Variants in ADAMTS20 observed in about 807,000 individuals in gnomAD.
ADAMTS20 encodes ADAM metallopeptidase with thrombospondin type 1 motif 20, also known as A disintegrin and metalloproteinase with thrombospondin motifs 20.
In ADAMTS20, 225 loss-of-function variants were observed where a neutral mutation model predicts 260.1. That is an observed-to-expected ratio of 0.87 (90% confidence interval 0.78 to 0.97). ADAMTS20 has a LOEUF of 0.97. Among genes scored for constraint, ADAMTS20 ranks in the 50% least tolerant of loss-of-function variants. The pLI is 0.00. For synonymous variants in ADAMTS20, 802 were observed against 769.5 expected, an observed-to-expected ratio of 1.04 and a Z score of -0.70; for missense variants, 2,400 against 2,337.7, an observed-to-expected ratio of 1.03 and a Z score of -0.55.
chr12:43,401,054 G>A (rs879491308), intron 28 of ADAMTS20, among the ~76,000 whole-genome samples: 1 of 151,098 alleles, frequency 6.6e-6, no homozygotes, highest in Non-Finnish European at 1.5e-5. Context: ...ATGAAGATCA[G>A]AAAAACAAAA....
intron 2 of ADAMTS20, among the ~76,000 whole-genome samples, chr12:43,542,387 G>C (rs1943388506): frequency 6.6e-6 from 1 of 151,612 alleles, no homozygotes; most frequent in Non-Finnish European, 1.5e-5. Context: ...ATATCTAGAG[G>C]GACATATGCC....
chr12:43,518,147 G>A (rs10880518), intron 3 of ADAMTS20, among the ~76,000 whole-genome samples: 51,849 of 151,696 alleles, frequency 0.34, 9,515 homozygotes, highest in East Asian at 0.75. Context: ...ACCACAATAG[G>A]ATTAGTCTCC....
Position 43,440,982 on chromosome 12 carries a change from G to A in ADAMTS20, c.2291-913C>T, listed in dbSNP as rs576762621. Among the ~76,000 whole-genome samples, 74 of 151,024 alleles carry A rather than the reference G, an allele frequency of 4.9e-4. 1 individual carries two copies. The highest frequency in any genetic ancestry group is 1.7e-3 in the African/African-American group (69 of 41,166). ...CCGGAGGCTGAGGCAGGAGAATGGC[G>A]TGAACCCGGGAGGCGGAGCTTGCAG... On this transcript the variant is annotated intron_variant, in intron 16 of 38. Coordinates refer to ENST00000389420, the MANE Select transcript of ADAMTS20 (RefSeq NM_025003.5).
chr12:43,502,774 C>T (rs572154636), intron 3 of ADAMTS20, among the ~76,000 whole-genome samples: 88 of 152,084 alleles, frequency 5.8e-4, no homozygotes, highest in African/African-American at 2.0e-3. Context: ...GTTTTCAAGT[C>T]AACAATGACA....
In ADAMTS20 at chr12:43,369,361, T is replaced by TG; in HGVS notation, c.5466dup (p.Lys1823GlnfsTer28). On this transcript the variant is annotated frameshift_variant, in exon 37 of 39. Coordinates refer to ENST00000389420, the MANE Select transcript of ADAMTS20 (RefSeq NM_025003.5). LOFTEE classifies it high-confidence loss of function. ...GGAACTGCATTTCCAAATATTGTTT[T>TG]GGAAAAAAGAAGGTCCGTAGCTAGA... 6.4e-7 allele frequency: 1 copy of TG among 1,551,646 alleles called. No homozygotes were observed. The highest frequency in any genetic ancestry group is 8.7e-7 in the Non-Finnish European group (1 of 1,149,830).
intron 4 of ADAMTS20, among the ~76,000 whole-genome samples, chr12:43,496,051 A>T (rs1942673558): frequency 6.6e-6 from 1 of 152,200 alleles, no homozygotes; most frequent in Non-Finnish European, 1.5e-5. Context: ...GAATTTTTGA[A>T]GCAGTATGTA....
At chr12:43,504,426 T>A (rs1232489951) in intron 3 of ADAMTS20, among the ~76,000 whole-genome samples, 1 of 152,200 alleles carries the variant, frequency 6.6e-6, no homozygotes, top group East Asian at 1.9e-4. Context: ...AATATTGTTA[T>A]GTTCCTAGGT....
At chr12:43,375,661 A>G in intron 35 of ADAMTS20, 149 bp from the exon 36 acceptor site, 2 of 832,260 alleles carry the variant, frequency 2.4e-6, no homozygotes, top group Non-Finnish European at 3.7e-6. Flanking sequence ...AAATCACTTA[A>G]GGTGAACATA....
Position 43,462,978 on chromosome 12 carries a change from A to C in ADAMTS20, c.1531T>G (p.Cys511Gly), listed in dbSNP as rs754751433. ...TTGTGAAGCTTTTCTGTGCTTGTGC[A>C]CCACAGATGCATGCATATATTCTCC... ...PHINICMHLWCTSTEKLHKGC... is the reference protein window; with the variant it reads ...PHINICMHLWGTSTEKLHKGC... Residue 511 changes from cysteine to glycine, a missense_variant, in exon 11 of 39, where the codon TGC becomes GGC. Physicochemically the swap from Cys to Gly is radical, Grantham distance 159. Transcript: ENST00000389420. The C allele has an allele frequency of 6.2e-7, 1 of 1,605,874 alleles. No individual in the cohort carries two copies. The highest frequency in any genetic ancestry group is 8.5e-7 in the Non-Finnish European group (1 of 1,175,774).
rs1565683116 is a variant in ADAMTS20 at position 43,405,227 on chromosome 12, T to TAAAAAA, written c.4285-5995_4285-5994insTTTTTT. Among the ~76,000 whole-genome samples, 39 of 11,550 alleles carry TAAAAAA rather than the reference T, an allele frequency of 3.4e-3. 2 individuals carry two copies. Among genetic ancestry groups the TAAAAAA allele is most frequent in the African/African-American group, 9.2e-3 (39 of 4,256 alleles). 7.6% of individuals were successfully genotyped at this position (11,550 alleles called of 152,430 possible). On this transcript the variant is annotated intron_variant, in intron 28 of 38. Transcript: ENST00000389420. ...TGGTAACAAAATGAGACCTCATCTC[T>TAAAAAA]ACAAAAAAAAAAAAAAAAAAAAAAA...
At chr12:43,443,001 C>T (rs1194485358) in intron 16 of ADAMTS20, among the ~76,000 whole-genome samples, 2 of 152,176 alleles carry the variant, frequency 1.3e-5, no homozygotes, top group African/African-American at 4.8e-5. Context: ...CTGAGATAGG[C>T]TGTTCATTAT....
At chr12:43,396,579 G>A (rs374239373) in intron 29 of ADAMTS20, among the ~76,000 whole-genome samples, 3 of 152,250 alleles carry the variant, frequency 2.0e-5, no homozygotes, top group South Asian at 4.1e-4. Flanking sequence ...GGGACTGTGT[G>A]GGTGAATGCA....
At chr12:43,492,711 T>G in intron 5 of ADAMTS20, 82 bp from the exon 6 acceptor site, 1 of 1,488,168 alleles carries the variant, frequency 6.7e-7, no homozygotes, top group Non-Finnish European at 9.2e-7. Context: ...TCTGCACAAT[T>G]TATCAAATAG....
intron 29 of ADAMTS20, among the ~76,000 whole-genome samples, chr12:43,390,768 C>G (rs1940580007): frequency 6.6e-6 from 1 of 152,190 alleles, no homozygotes; most frequent in Admixed American, 6.5e-5. Context: ...TAGGTATTCT[C>G]AAAGATTGAG....
intron 27 of ADAMTS20, among the ~76,000 whole-genome samples, chr12:43,426,084 C>A (rs1395794334): frequency 3.3e-5 from 5 of 152,054 alleles, no homozygotes; most frequent in African/African-American, 1.2e-4. Context: ...CAACAGGTTA[C>A]TAAGTAACCA....
intron 28 of ADAMTS20, among the ~76,000 whole-genome samples, chr12:43,400,296 C>T (rs1327307145): frequency 6.6e-6 from 1 of 151,922 alleles, no homozygotes; most frequent in Non-Finnish European, 1.5e-5. Flanking sequence ...TTTAGAAACA[C>T]ATTATGCATT....
chr12:43,485,856 C>T (rs1022341034), intron 7 of ADAMTS20, among the ~76,000 whole-genome samples: 1 of 151,986 alleles, frequency 6.6e-6, no homozygotes, highest in Non-Finnish European at 1.5e-5. Flanking sequence ...CCTAGGAATA[C>T]ACTTAACCAA....
chr12:43,454,034 A>G lies in ADAMTS20; in HGVS notation c.1633T>C (p.Cys545Arg), dbSNP rs748930018. The change falls in exon 12 of 39, where the codon TGT becomes CGT. Residue 545 changes from cysteine (C) to arginine (R), a missense_variant. Coordinates refer to ENST00000389420, the MANE Select transcript of ADAMTS20 (RefSeq NM_025003.5). Reference protein sequence around the residue: ...GPGMHCRHGLCVNKETETRPV... With the variant: ...GPGMHCRHGLRVNKETETRPV... ...CGTGTTTCCGTTTCTTTGTTTACAC[A>G]TAGCCCATGACGGCAATGCTATAAA... is the stretch of plus-strand genomic sequence containing the variant. 1.9e-6 allele frequency: 3 copies of G among 1,613,598 alleles called. No individual in the cohort carries two copies. The highest frequency in any genetic ancestry group is 1.1e-5 in the South Asian group (1 of 91,056).
At chr12:43,491,627 A>G (rs947323799) in intron 6 of ADAMTS20, among the ~76,000 whole-genome samples, 1 of 152,246 alleles carries the variant, frequency 6.6e-6, no homozygotes, top group African/African-American at 2.4e-5. Context: ...TGTAAAATGA[A>G]TAATAATTTT....
Sources: gnomAD v4.1 joint callset for allele counts (sites outside exome capture counted in the v4.1 genomes callset) on GRCh38, gnomAD v4.1.1 for gene constraint, MANE v1.5 for transcripts, NCBI Gene and HGNC (gene_info 2026-07-23, HGNC 2026-07-21) for gene names.